Variants in COX14 observed in about 807,000 individuals in gnomAD.
COX14 encodes the protein cytochrome c oxidase assembly factor COX14, also known as cytochrome c oxidase assembly protein COX14.
COX14 carries 3 observed loss-of-function variants against 5.8 expected under a neutral mutation model. The ratio of observed to expected loss-of-function variants is 0.51; its 90% CI spans 0.23 to 1.33. The LOEUF is 1.33. Ranked by LOEUF, COX14 falls within the 40% of genes most tolerant of loss-of-function variation. The pLI, the probability that COX14 is intolerant of heterozygous loss-of-function variation, is 0.18. For synonymous variants in COX14, 25 were observed against 26.1 expected (o/e 0.96, Z 0.13); for missense variants, 72 against 72.1 (o/e 1.00, Z 0.01).
Position 50,120,401 on chromosome 12 carries a change from A to T in COX14, c.*184A>T. 1.7e-6 allele frequency: 1 copy of T among 582,832 alleles called. No homozygotes were observed. Among genetic ancestry groups the T allele is most frequent in the Non-Finnish European group, 3.1e-6 (1 of 321,644 alleles). The allele number at this position is 582,832 out of a possible 1,614,324, so 36.1% of individuals were successfully genotyped here. A position where few individuals can be genotyped will look rare whatever the true frequency, so the allele number is the denominator to read the frequency against. ...AGTTTATGGAGGCTTTTGAATCGTA[A>T]TAGCAATGTGAGGGTGAGGTACACC... On this transcript the variant is annotated 3_prime_UTR_variant, in exon 2 of 2. Coordinates refer to ENST00000550487, the MANE Select transcript of COX14 (RefSeq NM_032901.4).
intron 1 of COX14, among the ~76,000 whole-genome samples, chr12:50,117,204 C>T (rs1951088434): frequency 6.6e-6 from 1 of 151,990 alleles, no homozygotes; most frequent in Admixed American, 6.6e-5. Context: ...TTTGTGGGGA[C>T]AGGGTCTCAC....
At position 50,120,151 on chromosome 12, in the gene COX14, C is replaced by T. The variant is rs774934006; in HGVS notation, c.108C>T (p.His36=). The stretch of plus-strand genomic sequence containing the variant: ...ACCTCTGCAGTGTCCGAGTCTACCA[C>T]TATTTCCAGTGGCGCAGGGCCCAGC... ...GGYLCSVRVY[H]YFQWRRAQRQ... is the part of the protein sequence containing the mutation. Residue 36 remains histidine, a synonymous_variant, in exon 2 of 2, where the codon CAC becomes CAT. Coordinates refer to ENST00000550487, the MANE Select transcript of COX14 (RefSeq NM_032901.4). 1.9e-6 allele frequency: 3 copies of T among 1,614,094 alleles called. No homozygotes were observed. The highest frequency in any genetic ancestry group is 1.1e-5 in the South Asian group (1 of 91,090).
chr12:50,116,055 T>C (rs1348425865), intron 1 of COX14, among the ~76,000 whole-genome samples: 5 of 152,102 alleles, frequency 3.3e-5, no homozygotes, highest in Non-Finnish European at 1.5e-5. Flanking sequence ...TTCTTTCCAC[T>C]TCTACTGCTA....
intron 1 of COX14, chr12:50,112,911 ATGT>A (rs1951040788): frequency 3.3e-5 from 2 of 60,274 alleles, no homozygotes; most frequent in Non-Finnish European, 7.7e-5. Context: ...GATGTACGTT[ATGT>A]TATGTTATGT....
rs1341423236 is a variant in COX14 at position 50,120,341 on chromosome 12, A to G, written c.*124A>G. ...TGGTTTTCAAACCCTGTTGGAAGAAAGTGCCCATGGTTTCTCTGGTTCTGC... is the reference window on the plus strand; with the variant it reads ...TGGTTTTCAAACCCTGTTGGAAGAAGGTGCCCATGGTTTCTCTGGTTCTGC... On this transcript the variant is annotated 3_prime_UTR_variant, in exon 2 of 2. Coordinates refer to ENST00000550487, the MANE Select transcript of COX14 (RefSeq NM_032901.4). The G allele has an allele frequency of 2.6e-5, 21 of 815,066 alleles. No homozygotes were observed. The highest frequency in any genetic ancestry group is 5.7e-5 in the South Asian group (3 of 52,324). 50.5% of individuals were successfully genotyped at this position (815,066 alleles called of 1,614,324 possible).
At chr12:50,116,632 T>C (rs186635546) in intron 1 of COX14, among the ~76,000 whole-genome samples, 1 of 152,188 alleles carries the variant, frequency 6.6e-6, no homozygotes, top group South Asian at 2.1e-4. Context: ...TGAGTAGGAA[T>C]AGCAATAAGT....
intron 1 of COX14, 62 bp from the exon 2 acceptor site, chr12:50,119,974 A>G: frequency 7.6e-7 from 1 of 1,318,942 alleles, no homozygotes; most frequent in Admixed American, 1.7e-5. Context: ...GGCGTTAAAC[A>G]GGGAGATGGG....
chr12:50,114,896 T>C (rs900948930), intron 1 of COX14, among the ~76,000 whole-genome samples: 1 of 145,358 alleles, frequency 6.9e-6, no homozygotes, highest in Non-Finnish European at 1.5e-5. Flanking sequence ...GCCTCCAGAG[T>C]AGTTCCGACT....
At chr12:50,113,361 T>C (rs924945392) in intron 1 of COX14, among the ~76,000 whole-genome samples, 1 of 151,410 alleles carries the variant, frequency 6.6e-6, no homozygotes, top group South Asian at 2.1e-4. Context: ...TGGGGTCCCG[T>C]GGCGGGATCT....
intron 1 of COX14, among the ~76,000 whole-genome samples, chr12:50,116,372 C>G (rs1359491803): frequency 6.6e-5 from 10 of 152,192 alleles, no homozygotes; most frequent in Admixed American, 5.9e-4. Flanking sequence ...GGATTATAGG[C>G]GTGAGCCACT....
chr12:50,117,603 G>A (rs750712495), intron 1 of COX14, among the ~76,000 whole-genome samples: 1 of 149,422 alleles, frequency 6.7e-6, no homozygotes, highest in East Asian at 2.0e-4. Flanking sequence ...TTTTGAGACG[G>A]TGTCTCACTC....
intron 1 of COX14, among the ~76,000 whole-genome samples, chr12:50,113,978 T>G (rs1951055342): frequency 6.6e-6 from 1 of 151,832 alleles, no homozygotes; most frequent in African/African-American, 2.4e-5. Flanking sequence ...AGACACAGTC[T>G]TGCTCTGCAA....
At chr12:50,114,039 G>A (rs1332426884) in intron 1 of COX14, among the ~76,000 whole-genome samples, 1 of 151,668 alleles carries the variant, frequency 6.6e-6, no homozygotes, top group African/African-American at 2.4e-5. Flanking sequence ...GTTGGCTCAG[G>A]CAAGCCTCCC....
At chr12:50,115,677 G>C (rs1951074998) in intron 1 of COX14, among the ~76,000 whole-genome samples, 1 of 151,632 alleles carries the variant, frequency 6.6e-6, no homozygotes, top group South Asian at 2.1e-4. Flanking sequence ...TCAGCCTCTT[G>C]AGTAGCTGGG....
intron 1 of COX14, among the ~76,000 whole-genome samples, 152 bp from the exon 2 acceptor site, chr12:50,119,884 C>T (rs1565753714): frequency 6.6e-6 from 1 of 152,102 alleles, no homozygotes; most frequent in Non-Finnish European, 1.5e-5. Flanking sequence ...TTCCAGTATC[C>T]CTATGAGACT....
chr12:50,115,809 C>T (rs187169193), intron 1 of COX14, among the ~76,000 whole-genome samples: 1 of 152,196 alleles, frequency 6.6e-6, no homozygotes, highest in African/African-American at 2.4e-5. Context: ...TCTTTGCCTC[C>T]CAAAGTGCTG....
At position 50,120,048 on chromosome 12, in the gene COX14, C is replaced by G. The variant is rs1489475790; in HGVS notation, c.5C>G (p.Pro2Arg). 1.9e-6 allele frequency: 3 copies of G among 1,613,934 alleles called. No homozygotes were observed. The Admixed American group carries it at 5.0e-5, about 27-fold the overall frequency. M[P>R]TGKQLADIGY... ...TCTGTCTTTGTAGGGGACAAGATGC[C>G]AACTGGCAAGCAGCTAGCTGACATT... Residue 2 changes from proline to arginine, a missense_variant, in exon 2 of 2, where the codon CCA becomes CGA. Pro to Arg is a moderately radical substitution (Grantham distance 103, BLOSUM62 -2). Coordinates refer to ENST00000550487, the MANE Select transcript of COX14 (RefSeq NM_032901.4).
At chr12:50,116,805 G>C (rs902049474) in intron 1 of COX14, among the ~76,000 whole-genome samples, 1 of 152,098 alleles carries the variant, frequency 6.6e-6, no homozygotes, top group Admixed American at 6.6e-5. Flanking sequence ...GTGTCACTTA[G>C]TATTCTTCCT....
At position 50,120,111 on chromosome 12, in the gene COX14, CTG is replaced by C. The variant is rs773189497; in HGVS notation, c.72_73del (p.Tyr25TrpfsTer41). On this transcript the variant is annotated frameshift_variant, in exon 2 of 2. Transcript: ENST00000550487. LOFTEE classifies it high-confidence loss of function. The stretch of plus-strand genomic sequence containing the variant: ...TTCTCTACCTCCATGATGCTTCTCA[CTG>C]TGTATGGGGGGTACCTCTGCAGTGT... 1 of 1,614,020 alleles carries C rather than the reference CTG, an allele frequency of 6.2e-7. No individual in the cohort carries two copies. Among genetic ancestry groups the C allele is most frequent in the Non-Finnish European group, 8.5e-7 (1 of 1,179,862 alleles).
Sources: gnomAD v4.1 joint callset for allele counts (sites outside exome capture counted in the v4.1 genomes callset) on GRCh38, gnomAD v4.1.1 for gene constraint, MANE v1.5 for transcripts, NCBI Gene and HGNC (gene_info 2026-07-23, HGNC 2026-07-21) for gene names.